MACF1: variants seen among roughly 807,000 people sequenced by gnomAD.
MACF1 encodes microtubule-actin cross-linking factor 1.
A neutral mutation model predicts 854.8 loss-of-function variants in MACF1; 193 were observed. That is an observed-to-expected ratio of 0.23 (90% confidence interval 0.20 to 0.25). The LOEUF (loss-of-function observed/expected upper bound fraction) is 0.25, where lower values mean the gene tolerates loss of function less well. Among genes scored for constraint, MACF1 ranks in the 10% least tolerant of loss-of-function variants. MACF1 has a pLI of 1.00. For synonymous variants in MACF1, 3,185 were observed against 3,226.7 expected, an observed-to-expected ratio of 0.99 and a Z score of 0.44; for missense variants, 7,722 against 8,929.1, an observed-to-expected ratio of 0.86 and a Z score of 5.45.
chr1:39,268,569 T>G, intron 6 of MACF1: 1 of 1,170,332 alleles, frequency 8.5e-7, no homozygotes, highest in Non-Finnish European at 1.1e-6. Flanking sequence ...GGAGAAAGAA[T>G]TGGAGGGATT....
At position 39,335,067 on chromosome 1, in the gene MACF1, A is replaced by G. The variant is rs375673105; in HGVS notation, c.8479A>G (p.Lys2827Glu). The change falls in exon 37 of 101, where the codon AAA (lysine) becomes GAA (glutamate). Residue 2827 changes from lysine (K) to glutamate (E), a missense_variant. Coordinates refer to ENST00000564288, the MANE Select transcript of MACF1 (RefSeq NM_001394062.1). ...AAATCAGTCTGCACAAGAAAAGGTT[A>G]AAGTGAGAGTTTCTGATGGGGAGCA... ...VENQSAQEKVKVRVSDGEQAK... is the reference protein window; with the variant it reads ...VENQSAQEKVEVRVSDGEQAK... The G allele has an allele frequency of 6.8e-6, 11 of 1,613,988 alleles. No homozygotes were observed. Among genetic ancestry groups the G allele is most frequent in the Non-Finnish European group, 9.3e-6 (11 of 1,180,000 alleles).
chr1:39,318,293 A>G (rs1259786579), intron 29 of MACF1, among the ~76,000 whole-genome samples, 160 bp from the exon 30 acceptor site: 1 of 152,204 alleles, frequency 6.6e-6, no homozygotes. Context: ...TGGTACATGC[A>G]TAGGTCTCAC....
At chr1:39,389,732 A>T (rs1641958772) in intron 58 of MACF1, among the ~76,000 whole-genome samples, 1 of 152,134 alleles carries the variant, frequency 6.6e-6, no homozygotes, top group African/African-American at 2.4e-5. Context: ...GGTTTATTTT[A>T]CATAGATTTT....
intron 36 of MACF1, among the ~76,000 whole-genome samples, chr1:39,329,181 A>T (rs1201440367): frequency 6.6e-6 from 1 of 152,232 alleles, no homozygotes; most frequent in Non-Finnish European, 1.5e-5. Context: ...GTCAGAAAAC[A>T]TGGGGATAGG....
rs192177636 is a variant in MACF1 at position 39,359,656 on chromosome 1, G to A, written c.12244+392G>A. On this transcript the variant is annotated intron_variant, in intron 47 of 100. Transcript: ENST00000564288. ...AAGATGTAGCCAAGAGTATATCATG[G>A]TGACTATAGTTAATAACAATATATC... Among the ~76,000 whole-genome samples, 4 of 152,014 alleles carry A rather than the reference G, an allele frequency of 2.6e-5. No individual in the cohort carries two copies. The East Asian group carries it at 7.7e-4, about 29-fold the overall frequency.
chr1:39,152,226 G>A (rs545405685), intron 2 of MACF1, among the ~76,000 whole-genome samples: 1 of 152,256 alleles, frequency 6.6e-6, no homozygotes, highest in East Asian at 1.9e-4. Flanking sequence ...GCCCACCTTG[G>A]CCTCCCAAAG....
chr1:39,410,802 T>C (rs1199895230), intron 58 of MACF1: 15 of 1,614,006 alleles, frequency 9.3e-6, no homozygotes, highest in Non-Finnish European at 1.2e-5. Context: ...CAGAAAGTTC[T>C]GGTCATTTGG....
intron 26 of MACF1, among the ~76,000 whole-genome samples, chr1:39,311,373 T>A (rs1040280285): frequency 6.6e-6 from 1 of 152,198 alleles, no homozygotes; most frequent in Non-Finnish European, 1.5e-5. Flanking sequence ...CCAATAAATA[T>A]AAGGAATGAC....
At chr1:39,287,586 T>C (rs1645668945) in intron 15 of MACF1, 24 bp downstream of exon 15, 10 of 1,613,116 alleles carry the variant, frequency 6.2e-6, no homozygotes, top group Non-Finnish European at 8.5e-6. Context: ...CAAAAGCTTA[T>C]GCAGTACACT....
At chr1:39,161,727 C>A (rs1267885515) in intron 2 of MACF1, among the ~76,000 whole-genome samples, 5 of 151,678 alleles carry the variant, frequency 3.3e-5, no homozygotes, top group Non-Finnish European at 5.9e-5. Context: ...ATTAGCCAGG[C>A]GTGGTGGCGG....
intron 29 of MACF1, 77 bp downstream of exon 29, chr1:39,317,484 A>T: frequency 7.0e-7 from 1 of 1,428,584 alleles, no homozygotes; most frequent in Non-Finnish European, 9.5e-7. Flanking sequence ...TTATATCTGT[A>T]CATTTATATT....
chr1:39,307,246 G>C (rs1041386836), intron 23 of MACF1, among the ~76,000 whole-genome samples: 2 of 148,552 alleles, frequency 1.3e-5, no homozygotes, highest in African/African-American at 5.0e-5. Context: ...TTCTTGTTTA[G>C]ATGTATAGTG....
intron 2 of MACF1, among the ~76,000 whole-genome samples, chr1:39,128,641 G>A (rs1385856880): frequency 6.6e-6 from 1 of 152,040 alleles, no homozygotes; most frequent in South Asian, 2.1e-4. Context: ...GGAGCTTGCA[G>A]TGAGCCGAGA....
intron 97 of MACF1, among the ~76,000 whole-genome samples, chr1:39,477,924 A>T (rs946128681): frequency 1.3e-5 from 2 of 150,894 alleles, no homozygotes; most frequent in Non-Finnish European, 2.9e-5. Context: ...CACTTCCTTC[A>T]ACTGCAATGC....
At chr1:39,415,027 CT>C (rs1643232914) in intron 58 of MACF1, among the ~76,000 whole-genome samples, 1 of 152,226 alleles carries the variant, frequency 6.6e-6, no homozygotes, top group Non-Finnish European at 1.5e-5. Context: ...TTACCAATCA[CT>C]GGCCATATCC....
chr1:39,408,021 A>G (rs3754347), intron 58 of MACF1, among the ~76,000 whole-genome samples: 3,735 of 152,268 alleles, frequency 0.025, 117 homozygotes, highest in East Asian at 0.17. Flanking sequence ...TAAAAGCCAA[A>G]GGCCGTGGAC....
At chr1:39,183,913 C>T (rs1199099378) in intron 2 of MACF1, among the ~76,000 whole-genome samples, 3 of 152,158 alleles carry the variant, frequency 2.0e-5, no homozygotes. Context: ...GAGGCTCAGG[C>T]CTGTGTTGGC....
intron 15 of MACF1, among the ~76,000 whole-genome samples, chr1:39,288,966 C>G (rs1208370104): frequency 6.6e-6 from 1 of 152,188 alleles, no homozygotes; most frequent in Non-Finnish European, 1.5e-5. Flanking sequence ...TTTATACATC[C>G]CACAGCTAAG....
At chr1:39,418,353 C>G (rs903409888) in intron 58 of MACF1, among the ~76,000 whole-genome samples, 23 of 152,292 alleles carry the variant, frequency 1.5e-4, no homozygotes, top group African/African-American at 5.5e-4. Flanking sequence ...CTTTGAAACT[C>G]AGAGAGACAA....
Sources: gnomAD v4.1 joint callset for allele counts (sites outside exome capture counted in the v4.1 genomes callset) on GRCh38, gnomAD v4.1.1 for gene constraint, MANE v1.5 for transcripts, NCBI Gene and HGNC (gene_info 2026-07-23, HGNC 2026-07-21) for gene names.